The following OCA2 variants were observed in gnomAD, a reference collection of about 807,000 sequenced individuals.
OCA2 encodes P protein.
OCA2 carries 77 observed loss-of-function variants against 100.2 expected under a neutral mutation model. The observed-to-expected ratio is 0.77, with a 90% confidence interval of 0.64 to 0.93. The LOEUF is 0.93. Among genes scored for constraint, OCA2 ranks in the 40% least tolerant of loss-of-function variants. OCA2 has a pLI of 0.00. For synonymous variants in OCA2, 432 were observed against 439.2 expected (o/e 0.98, Z 0.21); for missense variants, 1,062 against 1,089.1 (o/e 0.98, Z 0.35).
At chr15:27,958,865 G>A (rs1227622274) in intron 15 of OCA2, among the ~76,000 whole-genome samples, 1 of 152,156 alleles carries the variant, frequency 6.6e-6, no homozygotes, top group African/African-American at 2.4e-5. Flanking sequence ...AGCAGGCGCT[G>A]GGGCACTGGA....
intron 23 of OCA2, among the ~76,000 whole-genome samples, chr15:27,768,156 AAGCAGGTC>A (rs1595375384): frequency 1.3e-5 from 2 of 152,230 alleles, no homozygotes; most frequent in East Asian, 3.8e-4. Context: ...CCTGCCAAGA[AAGCAGGTC>A]TGAGCTAGGC....
intron 19 of OCA2, among the ~76,000 whole-genome samples, chr15:27,877,139 T>G (rs1414238285): frequency 1.3e-5 from 2 of 151,970 alleles, no homozygotes; most frequent in Non-Finnish European, 2.9e-5. Flanking sequence ...TGACTCATGA[T>G]TTAACTAGAA....
chr15:27,882,685 G>A (rs2037068062), intron 19 of OCA2, among the ~76,000 whole-genome samples: 1 of 151,910 alleles, frequency 6.6e-6, no homozygotes, highest in African/African-American at 2.4e-5. Context: ...TTAATCTTCT[G>A]GAGATTATTA....
chr15:27,794,833 G>C (rs1339118432), intron 23 of OCA2, among the ~76,000 whole-genome samples: 1 of 152,118 alleles, frequency 6.6e-6, no homozygotes, highest in African/African-American at 2.4e-5. Flanking sequence ...GAGGATCTAT[G>C]AAAACAAATG....
At chr15:27,774,191 A>G (rs1012345784) in intron 23 of OCA2, among the ~76,000 whole-genome samples, 22 of 152,250 alleles carry the variant, frequency 1.4e-4, no homozygotes, top group African/African-American at 5.1e-4. Context: ...AAATCTGTTC[A>G]CTGAATGCTG....
the OCA2 span, among the ~76,000 whole-genome samples, chr15:27,726,111 A>G: frequency 6.6e-6 from 1 of 152,036 alleles, no homozygotes; most frequent in Non-Finnish European, 1.5e-5. Context: ...AGCCTGGCCA[A>G]CATGGTGAAA....
intron 9 of OCA2, among the ~76,000 whole-genome samples, chr15:27,991,483 T>G (rs1477750592): frequency 6.6e-6 from 1 of 152,128 alleles, no homozygotes; most frequent in Non-Finnish European, 1.5e-5. Flanking sequence ...ACACAGAAGA[T>G]GGGGTCGGTC....
chr15:28,014,517 T>C (rs1303992578), intron 9 of OCA2, among the ~76,000 whole-genome samples: 3 of 152,112 alleles, frequency 2.0e-5, no homozygotes, highest in Non-Finnish European at 2.9e-5. Flanking sequence ...GAGTAGAAAA[T>C]CGTATGCACA....
chr15:27,984,858 C>A (rs955362300), intron 13 of OCA2, among the ~76,000 whole-genome samples: 3 of 152,234 alleles, frequency 2.0e-5, no homozygotes, highest in African/African-American at 4.8e-5. Context: ...ATTTCTGCCA[C>A]CAGCTTCTGA....
intron 16 of OCA2, 59 bp from the exon 17 acceptor site, chr15:27,955,274 G>A (rs2140669547): frequency 1.2e-5 from 15 of 1,247,730 alleles, no homozygotes; most frequent in African/African-American, 1.5e-5. Context: ...GTGAGATCGC[G>A]GAGCAGCAGT....
At chr15:27,725,964 A>T in the OCA2 span, among the ~76,000 whole-genome samples, 2 of 151,820 alleles carry the variant, frequency 1.3e-5, no homozygotes, top group Non-Finnish European at 2.9e-5. Flanking sequence ...GCGTCTGCAA[A>T]CTCTTGCTGT....
rs532452221 is a variant in OCA2, at chr15:27,791,683, G to A, written c.2433-36211C>T. Among the ~76,000 whole-genome samples, 11 of 152,250 alleles carry A rather than the reference G, an allele frequency of 7.2e-5. No homozygotes were observed. In the East Asian group the frequency reaches 2.1e-3, roughly 29 times the overall value. ...GCAAAATATAAACTCTTTAAATTTT[G>A]TTTTTTAATATTGTGGATCCTGAGG... is the stretch of plus-strand genomic sequence containing the variant. On this transcript the variant is annotated intron_variant, in intron 23 of 23. Transcript: ENST00000354638.
At chr15:28,032,573 C>G (rs1438237326) in intron 2 of OCA2, among the ~76,000 whole-genome samples, 1 of 151,360 alleles carries the variant, frequency 6.6e-6, no homozygotes, top group East Asian at 1.9e-4. Flanking sequence ...ACCACAAGGT[C>G]AGGAGTTCAA....
At chr15:27,785,266 C>T (rs1437358694) in intron 23 of OCA2, among the ~76,000 whole-genome samples, 1 of 152,110 alleles carries the variant, frequency 6.6e-6, no homozygotes, top group African/African-American at 2.4e-5. Flanking sequence ...AAATTCCATT[C>T]CTAGGTATGT....
intron 19 of OCA2, 30 bp from the exon 20 acceptor site, chr15:27,871,952 G>T (rs774035027): frequency 2.6e-6 from 4 of 1,513,652 alleles, no homozygotes; most frequent in Non-Finnish European, 3.7e-6. Context: ...GTGAGAATCA[G>T]TTTAGAACCG....
chr15:27,730,471 G>C, the OCA2 span, among the ~76,000 whole-genome samples: 1 of 152,046 alleles, frequency 6.6e-6, no homozygotes, highest in Admixed American at 6.6e-5. Context: ...AGGTTTCACT[G>C]GGTAGGCATA....
chr15:27,872,923 C>T (rs2036640980), intron 19 of OCA2, among the ~76,000 whole-genome samples: 1 of 152,178 alleles, frequency 6.6e-6, no homozygotes, highest in Admixed American at 6.5e-5. Flanking sequence ...CTCGTGACCT[C>T]AGGTGATCTG....
chr15:27,929,825 A>AAATTTTT (rs71132826), intron 18 of OCA2, among the ~76,000 whole-genome samples: 18 of 149,136 alleles, frequency 1.2e-4, no homozygotes, highest in East Asian at 3.9e-4. Flanking sequence ...CAAATGGGAA[A>AAATTTTT]TATTTTAAAC....
chr15:27,840,378 CA>C (rs2035300552), intron 23 of OCA2, among the ~76,000 whole-genome samples: 1 of 152,080 alleles, frequency 6.6e-6, no homozygotes, highest in African/African-American at 2.4e-5. Context: ...AAATAACCAC[CA>C]AAACAGACAA....
Sources: gnomAD v4.1 joint callset for allele counts (sites outside exome capture counted in the v4.1 genomes callset) on GRCh38, gnomAD v4.1.1 for gene constraint, MANE v1.5 for transcripts, NCBI Gene and HGNC (gene_info 2026-07-23, HGNC 2026-07-21) for gene names.